PLD1: variants seen among roughly 807,000 people sequenced by gnomAD.
The protein encoded by PLD1 is phospholipase D1.
Under a neutral mutation model 137.1 loss-of-function variants are expected in PLD1, and 112 were observed. That is an observed-to-expected ratio of 0.82 (90% CI 0.70 to 0.96). PLD1 has a LOEUF of 0.96. PLD1 is among the 40% of genes least tolerant of loss of function. The pLI is 0.00. For missense variants in PLD1, 1,321 were observed against 1,342.0 expected (o/e 0.98, Z 0.24); for synonymous variants, 431 against 454.7 (o/e 0.95, Z 0.66).
Position 171,642,845 on chromosome 3 carries a change from G to A in PLD1, c.2588C>T (p.Ala863Val). The A allele has an allele frequency of 3.2e-6, 5 of 1,575,502 alleles. No individual in the cohort carries two copies. Among genetic ancestry groups the A allele is most frequent in the Non-Finnish European group, 4.3e-6 (5 of 1,153,346 alleles). The stretch of plus-strand genomic sequence containing the variant: ...GAAAAAAAGCAGTTACTTACGCTCT[G>A]CTTTTAACTGTCCAAGGATGGAATT... ...GENSILGQLK[A>V]ELGNQWINYI... Residue 863 changes from alanine to valine, a missense_variant, in exon 23 of 27, where the codon GCA becomes GTA. By Grantham distance (64) the Ala-to-Val change is moderately conservative. Transcript: ENST00000351298.
At chr3:171,625,210 A>G (rs7616376) in intron 23 of PLD1, among the ~76,000 whole-genome samples, 1 of 152,158 alleles carries the variant, frequency 6.6e-6, no homozygotes, top group African/African-American at 2.4e-5. Context: ...TATCCCGCAC[A>G]TGGCTTGGAG....
rs191292477 is a variant in PLD1 at position 171,750,246 on chromosome 3, T to A, written c.-31-12164A>T. On this transcript the variant is annotated intron_variant, in intron 1 of 26. Coordinates refer to ENST00000351298, the MANE Select transcript of PLD1 (RefSeq NM_002662.5). The stretch of plus-strand genomic sequence containing the variant: ...AAATCTCACCAGAGAAAAGAAAAAA[T>A]TTGCAGGATGGGCTTAACAGCAGAA... Among the ~76,000 whole-genome samples the A allele has an allele frequency of 2.6e-5, 4 of 151,846 alleles. No homozygotes were observed. In the East Asian group the frequency reaches 7.7e-4, roughly 29 times the overall value.
intron 24 of PLD1, among the ~76,000 whole-genome samples, chr3:171,618,858 C>CGT (rs139135798): frequency 0.19 from 26,159 of 135,490 alleles, 2,461 homozygotes; most frequent in South Asian, 0.27. Flanking sequence ...AGTGTGTGTG[C>CGT]GTGTGTGTGT....
At position 171,601,394 on chromosome 3, in the gene PLD1, A is replaced by G. The variant is rs1335534082; in HGVS notation, c.*1684T>C. 3 of 152,344 alleles carry G rather than the reference A, an allele frequency of 2.0e-5. No homozygotes were observed. The highest frequency in any genetic ancestry group is 1.9e-4 in the East Asian group (1 of 5,190). The allele number at this position is 152,344 out of a possible 1,614,324, so 9.4% of individuals were successfully genotyped here. On this transcript the variant is annotated 3_prime_UTR_variant, in exon 27 of 27. Coordinates refer to ENST00000351298, the MANE Select transcript of PLD1 (RefSeq NM_002662.5). ...CATACACTCAATACTTCAAATGCCA[A>G]TCTGAACTTCTTTCATCAATAGCAA...
chr3:171,753,512 T>C (rs1219115472), intron 1 of PLD1, among the ~76,000 whole-genome samples: 1 of 152,240 alleles, frequency 6.6e-6, no homozygotes, highest in Admixed American at 6.5e-5. Flanking sequence ...ACACCTTCTA[T>C]GTGCTGAGCA....
chr3:171,765,146 CTG>C (rs775633763), intron 1 of PLD1: 1 of 152,092 alleles, frequency 6.6e-6, no homozygotes, highest in African/African-American at 2.4e-5. Context: ...TCACACAACT[CTG>C]TAGATATTCA....
At chr3:171,651,184 CTT>C (rs1164921763) in intron 21 of PLD1, among the ~76,000 whole-genome samples, 7 of 152,130 alleles carry the variant, frequency 4.6e-5, no homozygotes, top group African/African-American at 1.4e-4. Flanking sequence ...TGACAAGACA[CTT>C]TATTTTTTTG....
At position 171,642,842 on chromosome 3, in the gene PLD1, T is replaced by A. The variant is rs1735881485; in HGVS notation, c.2591A>T (p.Glu864Val). The change falls in exon 23 of 27, where the codon GAG becomes GTG. Residue 864 changes from glutamate (E) to valine (V), a missense_variant and splice_region_variant. Physicochemically the swap from Glu to Val is moderately radical, Grantham distance 121. Coordinates refer to ENST00000351298, the MANE Select transcript of PLD1 (RefSeq NM_002662.5). ...ENSILGQLKA[E>V]LGNQWINYIS... ...TGAGAAAAAAAGCAGTTACTTACGC[T>A]CTGCTTTTAACTGTCCAAGGATGGA... 3.2e-6 allele frequency: 5 copies of A among 1,563,782 alleles called. No homozygotes were observed. In the African/African-American group the frequency reaches 6.8e-5, roughly 21 times the overall value.
At chr3:171,738,177 AAAC>A in intron 1 of PLD1, 95 bp from the exon 2 acceptor site, 1 of 683,024 alleles carries the variant, frequency 1.5e-6, no homozygotes, top group South Asian at 2.2e-5. Context: ...CAGCATATGG[AAAC>A]AATTCAGCCT....
intron 12 of PLD1, among the ~76,000 whole-genome samples, chr3:171,698,132 T>C (rs1397751154): frequency 6.6e-6 from 1 of 152,130 alleles, no homozygotes; most frequent in African/African-American, 2.4e-5. Context: ...GCCCATTCAA[T>C]AGGTAGAAAG....
chr3:171,771,534 T>G (rs1722352077), intron 1 of PLD1: 1 of 152,266 alleles, frequency 6.6e-6, no homozygotes, highest in Non-Finnish European at 1.5e-5. Context: ...TTGTACTTGC[T>G]GCCCAAGAAA....
chr3:171,642,362 C>T (rs1345459465), intron 23 of PLD1, among the ~76,000 whole-genome samples: 1 of 141,938 alleles, frequency 7.0e-6, no homozygotes. Flanking sequence ...GAGGCTGAGG[C>T]AAAAGAACTG....
intron 1 of PLD1, among the ~76,000 whole-genome samples, chr3:171,768,260 G>C (rs373222047): frequency 6.6e-6 from 1 of 152,108 alleles, no homozygotes; most frequent in African/African-American, 2.4e-5. Context: ...TGAATTTCCA[G>C]GGTGGATGGC....
chr3:171,752,131 A>G (rs1720711711), intron 1 of PLD1, among the ~76,000 whole-genome samples: 2 of 152,264 alleles, frequency 1.3e-5, no homozygotes, highest in African/African-American at 4.8e-5. Context: ...AACTACATGT[A>G]TCAACATGAA....
chr3:171,733,638 A>G (rs181458761), intron 5 of PLD1, 129 bp from the exon 6 acceptor site: 67 of 551,786 alleles, frequency 1.2e-4, no homozygotes, highest in Non-Finnish European at 2.1e-4. Context: ...ATTTATTAAT[A>G]TAATCATGGA....
chr3:171,695,418 T>G (rs1715594738), intron 12 of PLD1, among the ~76,000 whole-genome samples: 1 of 152,238 alleles, frequency 6.6e-6, no homozygotes. Context: ...CAGTGTTTCT[T>G]ATCTCTGGTG....
chr3:171,675,947 A>C (rs546744558), intron 18 of PLD1, among the ~76,000 whole-genome samples: 47 of 150,354 alleles, frequency 3.1e-4, no homozygotes, highest in African/African-American at 1.2e-3. Context: ...GATTCAAGTG[A>C]TTTTCCTGCC....
intron 23 of PLD1, among the ~76,000 whole-genome samples, chr3:171,621,428 T>C (rs1560151763): frequency 1.3e-5 from 2 of 152,174 alleles, no homozygotes; most frequent in African/African-American, 4.8e-5. Context: ...ACATTTTTTT[T>C]TGTCTTTAAG....
At chr3:171,633,443 G>A (rs571147682) in intron 23 of PLD1, among the ~76,000 whole-genome samples, 3 of 152,254 alleles carry the variant, frequency 2.0e-5, no homozygotes, top group East Asian at 3.9e-4. Flanking sequence ...GGACATACCT[G>A]TTGTGAACAT....
Sources: gnomAD v4.1 joint callset for allele counts (sites outside exome capture counted in the v4.1 genomes callset) on GRCh38, gnomAD v4.1.1 for gene constraint, MANE v1.5 for transcripts, NCBI Gene and HGNC (gene_info 2026-07-23, HGNC 2026-07-21) for gene names.